The following RSRP1 variants were observed in gnomAD, a reference collection of about 807,000 sequenced individuals.
The protein encoded by RSRP1 is arginine/serine-rich protein 1.
Under a neutral mutation model 33.0 loss-of-function variants are expected in RSRP1, and 37 were observed. That is an observed-to-expected ratio of 1.12 (90% CI 0.86 to 1.48). The LOEUF is 1.48. Ranked by LOEUF, RSRP1 falls within the 40% of genes most tolerant of loss-of-function variation. RSRP1 has a pLI of 0.00. For synonymous variants in RSRP1, 167 were observed against 158.7 expected (o/e 1.05, Z -0.40); for missense variants, 402 against 385.3 (o/e 1.04, Z -0.36).
chr1:25,293,864 G>A (rs1400122438), intron 1 of RSRP1, among the ~76,000 whole-genome samples: 3 of 132,110 alleles, frequency 2.3e-5, no homozygotes, highest in African/African-American at 7.8e-5. Flanking sequence ...TTAAGAGATT[G>A]AGAAATTAAA....
At position 25,304,869 on chromosome 1, in the gene RSRP1, T is replaced by C. The variant is rs627165; in HGVS notation, c.-67+33109A>G. Reference sequence around the variant, plus strand: ...AGAAAAAAGAACACATAGCAAGTTATCATCAGTCTCAGCGCCCATCGCATT... The same window carrying C: ...AGAAAAAAGAACACATAGCAAGTTACCATCAGTCTCAGCGCCCATCGCATT... On this transcript the variant is annotated intron_variant, in intron 1 of 1. Transcript: ENST00000561867. 13 of 132,004 alleles carry C rather than the reference T, an allele frequency of 9.8e-5. 4 individuals carry two copies. Among genetic ancestry groups the C allele is most frequent in the East Asian group, 1.9e-4 (1 of 5,138 alleles). 8.2% of individuals were successfully genotyped at this position (132,004 alleles called of 1,614,324 possible).
At chr1:25,291,181 C>G (rs1274923250) in intron 1 of RSRP1, among the ~76,000 whole-genome samples, 2 of 127,770 alleles carry the variant, frequency 1.6e-5, no homozygotes, top group African/African-American at 2.8e-5. Flanking sequence ...GACAGACAGA[C>G]AGACAGGCTG....
chr1:25,295,852 T>G lies in RSRP1; in HGVS notation c.-67+42126A>C, dbSNP rs1423565484. Reference sequence around the variant, plus strand: ...TGGTCTGGGAGGGAATATGGGAAATTTTTTTTTTTTTTTTTTTTTTTTTTT... The same window carrying G: ...TGGTCTGGGAGGGAATATGGGAAATGTTTTTTTTTTTTTTTTTTTTTTTTT... On this transcript the variant is annotated intron_variant, in intron 1 of 1. Transcript: ENST00000561867. 2.4e-4 allele frequency among the ~76,000 whole-genome samples: 9 copies of G among 37,890 alleles called. 1 individual carries two copies. The highest frequency in any genetic ancestry group is 3.3e-4 in the Non-Finnish European group (4 of 11,990). 24.9% of individuals were successfully genotyped at this position (37,890 alleles called of 152,430 possible). A position where few individuals can be genotyped will look rare whatever the true frequency, so the allele number is the denominator to read the frequency against.
intron 1 of RSRP1, among the ~76,000 whole-genome samples, chr1:25,284,197 A>G (rs143795624): frequency 0.031 from 4,223 of 135,976 alleles, 607 homozygotes; most frequent in African/African-American, 0.1. Context: ...CTCATATGCA[A>G]TAACAGCAGC....
intron 1 of RSRP1, chr1:25,267,922 T>A (rs1157781856): frequency 7.5e-6 from 1 of 132,734 alleles, no homozygotes; most frequent in Non-Finnish European, 1.8e-5. Context: ...AGACGCGTTG[T>A]TGTGGTGGGC....
rs1215043961 is a variant in RSRP1, at chr1:25,243,583, A to G, written c.723T>C (p.Pro241=). The change falls in exon 4 of 5, where the codon CCT becomes CCC. Residue 241 remains proline, a synonymous_variant. Coordinates refer to ENST00000243189, the MANE Select transcript of RSRP1 (RefSeq NM_020317.5). ...TAAAAGCTATGCTTCTTTGCTGGGT[A>G]GGTTTTTCATTGGGATTTCGAGTTC... is the stretch of plus-strand genomic sequence containing the variant. ...EDGTRNPNEK[P]TQQRSIAFSS... The G allele has an allele frequency of 6.2e-7, 1 of 1,613,764 alleles. No individual in the cohort carries two copies. The highest frequency in any genetic ancestry group is 8.5e-7 in the Non-Finnish European group (1 of 1,179,886).
At chr1:25,320,986 A>G (rs1406517051) in intron 1 of RSRP1, among the ~76,000 whole-genome samples, 1 of 131,014 alleles carries the variant, frequency 7.6e-6, no homozygotes, top group African/African-American at 2.6e-5. Context: ...TGAGGCTGCA[A>G]TGAGCTGTGA....
In RSRP1 at chr1:25,302,635, G is replaced by A. The variant is rs868430834; in HGVS notation, c.-67+35343C>T. On this transcript the variant is annotated intron_variant, in intron 1 of 1. Transcript: ENST00000561867. ...GCAGTGAAGGACATAGCAGAGCTAT[G>A]ACCCAGGAACAAGGCCCAGCTTATT... Among the ~76,000 whole-genome samples the A allele has an allele frequency of 3.5e-4, 45 of 129,920 alleles. 11 individuals are homozygous for A. The highest frequency in any genetic ancestry group is 5.3e-4 in the African/African-American group (20 of 37,624). 85.2% of individuals were successfully genotyped at this position (129,920 alleles called of 152,430 possible).
Position 25,318,706 on chromosome 1 carries a change from A to T in RSRP1, c.-67+19272T>A, listed in dbSNP as rs1473351592. Among the ~76,000 whole-genome samples the T allele has an allele frequency of 2.3e-5, 3 of 133,146 alleles. 1 individual carries two copies. Among genetic ancestry groups the T allele is most frequent in the Admixed American group, 2.2e-4 (3 of 13,738 alleles). 87.3% of individuals were successfully genotyped at this position (133,146 alleles called of 152,430 possible). A position where few individuals can be genotyped will look rare whatever the true frequency, so the allele number is the denominator to read the frequency against. ...TCCCTAAGCAGGAGGTGAATGCCAA[A>T]TAAGAGACAAATGGCGTAAGACACT... On this transcript the variant is annotated intron_variant, in intron 1 of 1. Coordinates refer to the RSRP1 transcript ENST00000561867.
chr1:25,252,793 C>A (rs1571531156), intron 1 of RSRP1, among the ~76,000 whole-genome samples: 3 of 151,998 alleles, frequency 2.0e-5, no homozygotes, highest in East Asian at 3.9e-4. Flanking sequence ...CCTTGGCCTC[C>A]CAAAGTGCTG....
At position 25,311,674 on chromosome 1, in the gene RSRP1, A is replaced by G. The variant is rs1238653938; in HGVS notation, c.-67+26304T>C. ...TACTGGCCCAGAGCTCTAAGAGGGC[A>G]GAATGGTTTGGAATGACCAGCTGCT... On this transcript the variant is annotated intron_variant, in intron 1 of 1. Transcript: ENST00000561867. Among the ~76,000 whole-genome samples the G allele has an allele frequency of 3.1e-5, 4 of 129,992 alleles. 1 individual carries two copies. Among genetic ancestry groups the G allele is most frequent in the Admixed American group, 3.0e-4 (4 of 13,420 alleles). 85.3% of individuals were successfully genotyped at this position (129,992 alleles called of 152,430 possible).
chr1:25,256,486 T>A (rs1218697100), intron 1 of RSRP1, among the ~76,000 whole-genome samples: 1 of 152,138 alleles, frequency 6.6e-6, no homozygotes, highest in African/African-American at 2.4e-5. Flanking sequence ...AGACAGAGTC[T>A]CACTCAGTCA....
intron 1 of RSRP1, chr1:25,294,107 G>A: frequency 1.5e-6 from 1 of 659,198 alleles, no homozygotes; most frequent in Non-Finnish European, 2.9e-6. Flanking sequence ...TTAATGGCAT[G>A]ACAAAGCAGA....
intron 1 of RSRP1, chr1:25,294,410 A>T (rs535371277): frequency 1.4e-6 from 1 of 728,966 alleles, no homozygotes; most frequent in East Asian, 2.4e-5. Flanking sequence ...CCGGAAGCAG[A>T]CCCGGGAGCA....
At chr1:25,252,248 A>C (rs1239494116), upstream of RSRP1, among the ~76,000 whole-genome samples, 3 of 151,666 alleles carry the variant, frequency 2.0e-5, no homozygotes, top group Admixed American at 1.3e-4. Context: ...TTTTTAGTAG[A>C]GACATGTTCT....
chr1:25,246,684 G>C lies in RSRP1; in HGVS notation c.280C>G (p.Arg94Gly). Residue 94 changes from arginine to glycine, a missense_variant, in exon 2 of 5, where the codon CGA becomes GGA. Arg to Gly is a moderately radical substitution (Grantham distance 125). Coordinates refer to ENST00000243189, the MANE Select transcript of RSRP1 (RefSeq NM_020317.5). Reference sequence around the variant, plus strand: ...CTGGTGAACCCGTAGCGCCTCTCTCGGTAACGGCGGCTGCGGGATCGCGAC... The same window carrying C: ...CTGGTGAACCCGTAGCGCCTCTCTCCGTAACGGCGGCTGCGGGATCGCGAC... The part of the protein sequence containing the change: ...SRSRSRSRRY[R>G]ERRYGFTRRY... 6.2e-7 allele frequency: 1 copy of C among 1,608,804 alleles called. No homozygotes were observed. The highest frequency in any genetic ancestry group is 1.1e-5 in the South Asian group (1 of 91,020).
intron 1 of RSRP1, among the ~76,000 whole-genome samples, chr1:25,315,501 C>CTTTTT (rs1189263980): frequency 8.8e-6 from 1 of 114,122 alleles, no homozygotes; most frequent in African/African-American, 3.0e-5. Flanking sequence ...TTCTTTCTTT[C>CTTTTT]TTTTTTTTTT....
rs1245282935 is a variant in RSRP1 at position 25,320,118 on chromosome 1, G to A, written c.-67+17860C>T. ...TCTCCATGTTGGTCATGCTGGTCTC[G>A]AACTCCTGACCTCAGGTGATCCGCC... On this transcript the variant is annotated intron_variant, in intron 1 of 1. Coordinates refer to the RSRP1 transcript ENST00000561867. Among the ~76,000 whole-genome samples the A allele has an allele frequency of 3.1e-5, 4 of 130,792 alleles. 1 individual carries two copies. Among genetic ancestry groups the A allele is most frequent in the Admixed American group, 7.5e-5 (1 of 13,366 alleles). 85.8% of individuals were successfully genotyped at this position (130,792 alleles called of 152,430 possible). A position where few individuals can be genotyped will look rare whatever the true frequency, so the allele number is the denominator to read the frequency against.
At chr1:25,285,656 T>G (rs1227002274) in intron 1 of RSRP1, among the ~76,000 whole-genome samples, 1 of 135,288 alleles carries the variant, frequency 7.4e-6, no homozygotes, top group Non-Finnish European at 1.8e-5. Flanking sequence ...AATAACCGCA[T>G]GGGGTGCAGA....
Sources: gnomAD v4.1 joint callset for allele counts (sites outside exome capture counted in the v4.1 genomes callset) on GRCh38, gnomAD v4.1.1 for gene constraint, MANE v1.5 for transcripts, NCBI Gene and HGNC (gene_info 2026-07-23, HGNC 2026-07-21) for gene names.